The following UNC5C variants were observed in gnomAD, a reference collection of about 807,000 sequenced individuals.
UNC5C encodes the protein netrin receptor UNC5C.
In UNC5C, 47 loss-of-function variants were observed where a neutral mutation model predicts 99.8. The observed-to-expected ratio is 0.47, with a 90% confidence interval of 0.37 to 0.60. The LOEUF (loss-of-function observed/expected upper bound fraction) is 0.60, where lower values mean the gene tolerates loss of function less well. Among genes scored for constraint, UNC5C ranks in the 20% least tolerant of loss-of-function variants. The pLI is 0.00. For missense variants in UNC5C, 1,062 were observed against 1,165.9 expected, an observed-to-expected ratio of 0.91 and a Z score of 1.30; for synonymous variants, 487 against 452.2, an observed-to-expected ratio of 1.08 and a Z score of -0.98.
intron 1 of UNC5C, among the ~76,000 whole-genome samples, chr4:95,420,680 T>TGAAAAACTGGTTTCAATAAAA (rs1746293641): frequency 6.6e-6 from 1 of 152,026 alleles, no homozygotes; most frequent in Non-Finnish European, 1.5e-5. Context: ...AATAAAAAGG[T>TGAAAAACTGGTTTCAATAAAA]AGAAAACATT....
In UNC5C at chr4:95,421,641, C is replaced by CACACAT. The variant is rs796573940; in HGVS notation, c.125-86011_125-86010insATGTGT. Among the ~76,000 whole-genome samples, 3 of 151,886 alleles carry CACACAT rather than the reference C, an allele frequency of 2.0e-5. No homozygotes were observed. The South Asian group carries it at 6.2e-4, about 32-fold the overall frequency. On this transcript the variant is annotated intron_variant, in intron 1 of 15. Coordinates refer to ENST00000453304, the MANE Select transcript of UNC5C (RefSeq NM_003728.4). ...TTTTACACACACACACACACACACA[C>CACACAT]ACTGCTAATTGTTAACACAATAGTT...
intron 14 of UNC5C, 120 bp from the exon 15 acceptor site, chr4:95,170,452 T>G: frequency 1.6e-6 from 2 of 1,219,312 alleles, no homozygotes; most frequent in South Asian, 3.0e-5. Context: ...GCTGTTATTC[T>G]TCTTAGGAAG....
chr4:95,181,420 A>C (rs550720918), intron 14 of UNC5C, among the ~76,000 whole-genome samples: 60 of 152,256 alleles, frequency 3.9e-4, no homozygotes, highest in African/African-American at 1.3e-3. Flanking sequence ...CACCTTTTTA[A>C]CACGCAGCCA....
At chr4:95,488,213 G>A (rs1387971949) in intron 1 of UNC5C, among the ~76,000 whole-genome samples, 1 of 151,676 alleles carries the variant, frequency 6.6e-6, no homozygotes, top group Non-Finnish European at 1.5e-5. Flanking sequence ...TTTATTTTAT[G>A]TAAATTCTTT....
intron 9 of UNC5C, 33 bp from the exon 10 acceptor site, chr4:95,216,244 GACT>G (rs1421488375): frequency 1.9e-6 from 3 of 1,559,906 alleles, no homozygotes; most frequent in African/African-American, 1.4e-5. Context: ...AGTCATTTAA[GACT>G]TTTGCAGCAC....
In UNC5C at chr4:95,219,109, G is replaced by T; in HGVS notation, c.1505C>A (p.Ser502Tyr). 6.2e-7 allele frequency: 1 copy of T among 1,614,164 alleles called. No homozygotes were observed. The highest frequency in any genetic ancestry group is 8.5e-7 in the Non-Finnish European group (1 of 1,180,032). The change falls in exon 9 of 16, where the codon TCC becomes TAC. Residue 502 changes from serine to tyrosine, a missense_variant. Coordinates refer to ENST00000453304, the MANE Select transcript of UNC5C (RefSeq NM_003728.4). The stretch of plus-strand genomic sequence containing the variant: ...CAACAACGACTGGGTCATCTGAGGG[G>T]ACAGCTTGGACGTAAACTCAGAGAG... ...DDLSEFTSKLSPQMTQSLLEN... is the reference protein window; with the variant it reads ...DDLSEFTSKLYPQMTQSLLEN...
intron 1 of UNC5C, among the ~76,000 whole-genome samples, chr4:95,474,435 C>T (rs189134355): frequency 1.3e-3 from 197 of 152,096 alleles, no homozygotes; most frequent in African/African-American, 3.9e-3. Flanking sequence ...GGATTACAGG[C>T]GCCTGCCAGC....
At chr4:95,392,405 T>G (rs1745387474) in intron 1 of UNC5C, among the ~76,000 whole-genome samples, 1 of 149,634 alleles carries the variant, frequency 6.7e-6, no homozygotes, top group Admixed American at 6.8e-5. Context: ...ACAAAGGAAT[T>G]TTTAAGAGTT....
chr4:95,291,014 C>A (rs1214029096), intron 3 of UNC5C, among the ~76,000 whole-genome samples: 1 of 152,118 alleles, frequency 6.6e-6, no homozygotes, highest in East Asian at 1.9e-4. Flanking sequence ...GAAGGGAGGA[C>A]AATTTCAGCC....
chr4:95,342,714 C>T (rs906664391), intron 1 of UNC5C, among the ~76,000 whole-genome samples: 8 of 151,994 alleles, frequency 5.3e-5, no homozygotes, highest in Non-Finnish European at 1.0e-4. Flanking sequence ...CAGAGCACCA[C>T]ATGAATCCCT....
chr4:95,376,840 A>G (rs1231993976), intron 1 of UNC5C, among the ~76,000 whole-genome samples: 2 of 152,212 alleles, frequency 1.3e-5, no homozygotes, highest in African/African-American at 4.8e-5. Flanking sequence ...ATATGCAAGT[A>G]TTTTTACTGA....
intron 7 of UNC5C, among the ~76,000 whole-genome samples, chr4:95,232,217 TTATA>T (rs2149373791): frequency 6.6e-6 from 1 of 150,774 alleles, no homozygotes; most frequent in African/African-American, 2.4e-5. Flanking sequence ...TATATAAGTG[TTATA>T]TAAACTATAA....
At chr4:95,419,847 C>A (rs760613770) in intron 1 of UNC5C, among the ~76,000 whole-genome samples, 16 of 151,952 alleles carry the variant, frequency 1.1e-4, no homozygotes, top group African/African-American at 1.5e-4. Context: ...ATACCCCAAA[C>A]AAAGGATCAT....
At chr4:95,360,520 C>T (rs1237409482) in intron 1 of UNC5C, among the ~76,000 whole-genome samples, 1 of 152,142 alleles carries the variant, frequency 6.6e-6, no homozygotes, top group Non-Finnish European at 1.5e-5. Context: ...GGAAAGGATT[C>T]CAAGTTAAGT....
intron 14 of UNC5C, among the ~76,000 whole-genome samples, chr4:95,171,579 C>T (rs376280904): frequency 6.6e-6 from 1 of 152,010 alleles, no homozygotes; most frequent in Admixed American, 6.6e-5. Context: ...CATCCTTTTT[C>T]ATGGCTGCAT....
chr4:95,386,171 G>GT (rs528212708), intron 1 of UNC5C, among the ~76,000 whole-genome samples: 31 of 151,914 alleles, frequency 2.0e-4, no homozygotes, highest in African/African-American at 7.2e-4. Flanking sequence ...GCTCACCACT[G>GT]TATTATTACA....
intron 1 of UNC5C, among the ~76,000 whole-genome samples, chr4:95,343,806 C>G (rs1743667021): frequency 6.6e-6 from 1 of 151,926 alleles, no homozygotes; most frequent in Non-Finnish European, 1.5e-5. Flanking sequence ...AAGAGTACAT[C>G]AAGAGTCTCT....
At chr4:95,537,231 A>C (rs1722804162) in intron 1 of UNC5C, among the ~76,000 whole-genome samples, 1 of 152,168 alleles carries the variant, frequency 6.6e-6, no homozygotes, top group Admixed American at 6.5e-5. Context: ...TGACTACTAG[A>C]AAGTATAATG....
At chr4:95,183,128 G>A in intron 13 of UNC5C, 67 bp from the exon 14 acceptor site, 4 of 1,489,836 alleles carry the variant, frequency 2.7e-6, no homozygotes, top group Non-Finnish European at 3.7e-6. Flanking sequence ...CAGATGGTCT[G>A]CTGCCAGGTA....
Sources: allele counts gnomAD v4.1 joint callset (sites outside exome capture counted in the v4.1 genomes callset), GRCh38; gene constraint gnomAD v4.1.1; transcripts MANE v1.5; gene names NCBI Gene and HGNC (gene_info 2026-07-23, HGNC 2026-07-21).